SLC39A13: variants seen among roughly 807,000 people sequenced by gnomAD.
The protein encoded by SLC39A13 is zinc transporter ZIP13.
Under a neutral mutation model 38.7 loss-of-function variants are expected in SLC39A13, and 18 were observed. The ratio of observed to expected loss-of-function variants is 0.47; its 90% CI spans 0.32 to 0.69. The LOEUF is 0.69. SLC39A13 is among the 30% of genes least tolerant of loss of function. The pLI is 0.03. For missense variants in SLC39A13, 395 were observed against 490.7 expected (o/e 0.80, Z 1.84); for synonymous variants, 212 against 219.1 (o/e 0.97, Z 0.29).
Position 47,412,487 on chromosome 11 carries a change from G to A in SLC39A13, c.537+20G>A. Reference sequence around the variant, plus strand: ...AGCCAGGTGGGCCCCACACTCAAGGGCCTGGATATATCAGCCTCTGTTCTG... The same window carrying A: ...AGCCAGGTGGGCCCCACACTCAAGGACCTGGATATATCAGCCTCTGTTCTG... On this transcript the variant is annotated intron_variant, in intron 4 of 9. Coordinates refer to ENST00000362021, the MANE Select transcript of SLC39A13 (RefSeq NM_001128225.3). The A allele has an allele frequency of 6.2e-7, 1 of 1,614,012 alleles. No homozygotes were observed. The highest frequency in any genetic ancestry group is 8.5e-7 in the Non-Finnish European group (1 of 1,179,920).
In SLC39A13 at chr11:47,414,559, G is replaced by C. The variant is rs541630727; in HGVS notation, c.786+84G>C. 2.0e-3 allele frequency: 3,111 copies of C among 1,563,046 alleles called. 5 individuals carry two copies. The highest frequency in any genetic ancestry group is 2.6e-3 in the Non-Finnish European group (2,929 of 1,143,910). ...ATGGGTGTGGAGCTCAGGAGGGTGT[G>C]GGGCTGGGCCTGTCCAGCATGGCAC... On this transcript the variant is annotated intron_variant, in intron 7 of 9. Coordinates refer to ENST00000362021, the MANE Select transcript of SLC39A13 (RefSeq NM_001128225.3).
Position 47,414,751 on chromosome 11 carries a change from G to T in SLC39A13, c.787-26G>T, listed in dbSNP as rs780514237. On this transcript the variant is annotated intron_variant, in intron 7 of 9. Transcript: ENST00000362021. ...GGGCATCAGGCCCCGCTGGGGCGCA[G>T]GGTGAACCTCTGGACCTCCCTTCAG... 5 of 1,604,200 alleles carry T rather than the reference G, an allele frequency of 3.1e-6. No individual in the cohort carries two copies. In the East Asian group the frequency reaches 8.9e-5, roughly 29 times the overall value.
chr11:47,409,805 AGC>A (rs990725732), intron 1 of SLC39A13: 1 of 394,966 alleles, frequency 2.5e-6, no homozygotes, highest in African/African-American at 2.1e-5. Flanking sequence ...AGAGCCAGCC[AGC>A]GCCTCACCCT....
At chr11:47,414,395 A>T (rs1295233168) in intron 6 of SLC39A13, 30 bp from the exon 7 acceptor site, 1 of 1,596,452 alleles carries the variant, frequency 6.3e-7, no homozygotes, top group East Asian at 2.3e-5. Flanking sequence ...CTCAACACAG[A>T]CCCCGCAGCC....
chr11:47,411,774 G>T (rs1011814963), intron 2 of SLC39A13, 152 bp from the exon 3 acceptor site: 21 of 725,854 alleles, frequency 2.9e-5, no homozygotes, highest in Non-Finnish European at 4.3e-5. Flanking sequence ...GCAGGGTGTG[G>T]TGTTTCTGCT....
Position 47,409,858 on chromosome 11 carries a change from C to T in SLC39A13, c.-8-229C>T. 9.3e-6 allele frequency: 5 copies of T among 538,240 alleles called. No homozygotes were observed. In the South Asian group the frequency reaches 1.1e-4, roughly 12 times the overall value. 33.3% of individuals were successfully genotyped at this position (538,240 alleles called of 1,614,324 possible). A position where few individuals can be genotyped will look rare whatever the true frequency, so the allele number is the denominator to read the frequency against. On this transcript the variant is annotated intron_variant, in intron 1 of 9. Coordinates refer to ENST00000362021, the MANE Select transcript of SLC39A13 (RefSeq NM_001128225.3). ...TTAGCCTCAGGCGGAGGTGCTGACA[C>T]AGTCTGGAGCTGCTCAGAAGGAAAA...
rs1040795988 is a variant in SLC39A13 at position 47,415,644 on chromosome 11, C to T, written c.*281C>T. The T allele has an allele frequency of 2.6e-5, 15 of 572,012 alleles. No individual in the cohort carries two copies. In the African/African-American group the frequency reaches 2.8e-4, roughly 11 times the overall value. 35.4% of individuals were successfully genotyped at this position (572,012 alleles called of 1,614,324 possible). A position where few individuals can be genotyped will look rare whatever the true frequency, so the allele number is the denominator to read the frequency against. On this transcript the variant is annotated 3_prime_UTR_variant, in exon 10 of 10. Coordinates refer to ENST00000362021, the MANE Select transcript of SLC39A13 (RefSeq NM_001128225.3). ...CCTCTCCTTGCCGCCCTGTCACCTTCACCTCCCGGAGTAAGCAGCGAGGAA... is the reference window on the plus strand; with the variant it reads ...CCTCTCCTTGCCGCCCTGTCACCTTTACCTCCCGGAGTAAGCAGCGAGGAA...
intron 2 of SLC39A13, among the ~76,000 whole-genome samples, chr11:47,411,402 C>T (rs1001793548): frequency 3.3e-5 from 5 of 151,654 alleles, no homozygotes; most frequent in Admixed American, 2.0e-4. Context: ...GTCAGGAGTT[C>T]GAGACCAGCC....
intron 3 of SLC39A13, 37 bp from the exon 4 acceptor site, chr11:47,412,309 T>TTGGCC (rs763461494): frequency 8.1e-6 from 13 of 1,598,224 alleles, no homozygotes; most frequent in South Asian, 4.5e-5. Flanking sequence ...CTGGCTTGGC[T>TTGGCC]TGGCCTGGCC....
upstream of SLC39A13, among the ~76,000 whole-genome samples, chr11:47,407,705 C>T (rs1253972477): frequency 2.0e-5 from 3 of 152,204 alleles, no homozygotes; most frequent in African/African-American, 4.8e-5. Flanking sequence ...CCTGGCTCTG[C>T]CATCTGTGCC....
In SLC39A13 at chr11:47,415,505, G is replaced by A; in HGVS notation, c.*142G>A. 1.1e-6 allele frequency: 1 copy of A among 906,844 alleles called. No homozygotes were observed. Among genetic ancestry groups the A allele is most frequent in the South Asian group, 1.4e-5 (1 of 72,722 alleles). 56.2% of individuals were successfully genotyped at this position (906,844 alleles called of 1,614,324 possible). On this transcript the variant is annotated 3_prime_UTR_variant, in exon 10 of 10. Transcript: ENST00000362021. ...CGCCAGACAGGAGGGAGGTGCGTGT[G>A]GATGTATGTGGTGTGCACATGTGGC...
chr11:47,411,519 C>T (rs7108608), intron 2 of SLC39A13, among the ~76,000 whole-genome samples: 2 of 152,142 alleles, frequency 1.3e-5, no homozygotes, highest in Non-Finnish European at 2.9e-5. Context: ...GCAGGAGAGT[C>T]GCTTGAACCT....
rs577950143 is a variant in SLC39A13, at chr11:47,415,699, G to T, written c.*336G>T. 8.0e-5 allele frequency: 33 copies of T among 413,742 alleles called. No homozygotes were observed. The highest frequency in any genetic ancestry group is 6.3e-4 in the African/African-American group (30 of 47,706). 25.6% of individuals were successfully genotyped at this position (413,742 alleles called of 1,614,324 possible). ...AGCACTGGTCCCAAGCAGAGGCCTT[G>T]CCCTGCTGGGACCCCGGGAGTGAGA... On this transcript the variant is annotated 3_prime_UTR_variant, in exon 10 of 10. Transcript: ENST00000362021.
At chr11:47,412,924 G>A (rs1340588693) in intron 4 of SLC39A13, among the ~76,000 whole-genome samples, 1 of 150,754 alleles carries the variant, frequency 6.6e-6, no homozygotes, top group Non-Finnish European at 1.5e-5. Flanking sequence ...ACCATGCCCA[G>A]CTAACTTTTG....
Position 47,412,367 on chromosome 11 carries a change from A to T in SLC39A13, c.437A>T (p.Gln146Leu), listed in dbSNP as rs996668884. The T allele has an allele frequency of 6.2e-7, 1 of 1,613,996 alleles. No individual in the cohort carries two copies. Among genetic ancestry groups the T allele is most frequent in the East Asian group, 2.2e-5 (1 of 44,880 alleles). Residue 146 changes from glutamine to leucine, a missense_variant, in exon 4 of 10, where the codon CAG (glutamine) becomes CTG (leucine). Transcript: ENST00000362021. ...GCAGGTGGTGAGGGGCAGAGCCTGC[A>T]GCAGCAGCAACAGCTGGGGCTGTGG... is the stretch of plus-strand genomic sequence containing the variant. ...ASPGGEGQSL[Q>L]QQQQLGLWVI...
At position 47,413,498 on chromosome 11, in the gene SLC39A13, G is replaced by A. The variant is rs1354746454; in HGVS notation, c.636G>A (p.Arg212=). The A allele has an allele frequency of 6.2e-7, 1 of 1,614,044 alleles. No homozygotes were observed. The highest frequency in any genetic ancestry group is 2.2e-5 in the East Asian group (1 of 44,874). ...AAEPGLGAVV[R]SIKVSGYLNL... ...AGCCCGGCCTCGGTGCCGTGGTCCG[G>A]AGCATCAAAGTGAGTGGCCTGCTCA... The change falls in exon 5 of 10, where the codon CGG becomes CGA. Residue 212 remains arginine (R), a synonymous_variant. Coordinates refer to ENST00000362021, the MANE Select transcript of SLC39A13 (RefSeq NM_001128225.3).
At chr11:47,410,418 C>T (rs772483645) in intron 2 of SLC39A13, 23 bp downstream of exon 2, 1 of 1,612,596 alleles carries the variant, frequency 6.2e-7, no homozygotes, top group African/African-American at 1.3e-5. Flanking sequence ...CCGGTGGCGC[C>T]CAGGGCTGGC....
chr11:47,415,520 G>C lies in SLC39A13; in HGVS notation c.*157G>C. On this transcript the variant is annotated 3_prime_UTR_variant, in exon 10 of 10. Coordinates refer to ENST00000362021, the MANE Select transcript of SLC39A13 (RefSeq NM_001128225.3). ...AGGTGCGTGTGGATGTATGTGGTGT[G>C]CACATGTGGCCAGAGGTGTGTGCGC... 1.2e-6 allele frequency: 1 copy of C among 828,656 alleles called. No individual in the cohort carries two copies. The highest frequency in any genetic ancestry group is 2.0e-6 in the Non-Finnish European group (1 of 499,168). 51.3% of individuals were successfully genotyped at this position (828,656 alleles called of 1,614,324 possible).
At chr11:47,409,734 G>A in intron 1 of SLC39A13, 1 of 299,672 alleles carries the variant, frequency 3.3e-6, no homozygotes, top group Non-Finnish European at 6.4e-6. Context: ...GCGGGCGGCA[G>A]GGCCTCCCCT....
Sources: allele counts gnomAD v4.1 joint callset (sites outside exome capture counted in the v4.1 genomes callset), GRCh38; gene constraint gnomAD v4.1.1; transcripts MANE v1.5; gene names NCBI Gene and HGNC (gene_info 2026-07-23, HGNC 2026-07-21).